The following NIPBL variants were observed in gnomAD, a reference collection of about 807,000 sequenced individuals.
NIPBL encodes NIPBL cohesin loading factor.
Under a neutral mutation model 321.8 loss-of-function variants are expected in NIPBL, and 19 were observed. The ratio of observed to expected loss-of-function variants is 0.06; its 90% confidence interval spans 0.04 to 0.09. The LOEUF is 0.09. NIPBL is among the 10% of genes least tolerant of loss of function. The pLI, the probability that NIPBL is intolerant of heterozygous loss-of-function variation, is 1.00. For missense variants in NIPBL, 2,210 were observed against 3,327.0 expected, an observed-to-expected ratio of 0.66 and a Z score of 8.26; for synonymous variants, 1,106 against 1,114.1, an observed-to-expected ratio of 0.99 and a Z score of 0.14.
rs1752958310 is a variant in NIPBL at position 37,046,126 on chromosome 5, A to G, written c.6516A>G (p.Lys2172=). 2 of 1,540,530 alleles carry G rather than the reference A, an allele frequency of 1.3e-6. No individual in the cohort carries two copies. The highest frequency in any genetic ancestry group is 1.4e-5 in the African/African-American group (1 of 73,356). ...KGNSKVNIKD[K]VLELLMYFTK... ...CCCCTTAGGTTAACATAAAAGATAA[A>G]GTACTTGAACTATTGATGTATTTTA... The change falls in exon 38 of 47, where the codon AAA becomes AAG. Residue 2172 remains lysine, a synonymous_variant. Coordinates refer to ENST00000282516, the MANE Select transcript of NIPBL (RefSeq NM_133433.4).
intron 1 of NIPBL, among the ~76,000 whole-genome samples, chr5:36,878,776 C>T (rs1480253910): frequency 1.3e-5 from 2 of 152,116 alleles, no homozygotes; most frequent in African/African-American, 4.8e-5. Context: ...GTTTTTAATG[C>T]TATAAATCCG....
At chr5:36,999,835 G>C (rs77857080) in intron 11 of NIPBL, among the ~76,000 whole-genome samples, 5,157 of 152,248 alleles carry the variant, frequency 0.034, 126 homozygotes, top group South Asian at 0.081. Flanking sequence ...GTCATGTTAG[G>C]TCACCAGGGC....
At chr5:36,902,398 A>G (rs1747302244) in intron 1 of NIPBL, among the ~76,000 whole-genome samples, 1 of 152,078 alleles carries the variant, frequency 6.6e-6, no homozygotes, top group Non-Finnish European at 1.5e-5. Flanking sequence ...TAAATTTTAC[A>G]TTTCAGTCTT....
intron 42 of NIPBL, among the ~76,000 whole-genome samples, chr5:37,055,722 T>C (rs1390908918): frequency 6.6e-6 from 1 of 151,884 alleles, no homozygotes; most frequent in Non-Finnish European, 1.5e-5. Context: ...CAGATTGTAA[T>C]TGAAAAGGGA....
chr5:37,060,239 A>G (rs949905491), intron 44 of NIPBL, among the ~76,000 whole-genome samples: 1 of 152,196 alleles, frequency 6.6e-6, no homozygotes, highest in Non-Finnish European at 1.5e-5. Context: ...CAGTTATGCA[A>G]TCATAAACTC....
Position 36,985,214 on chromosome 5 carries a change from G to A in NIPBL, c.2034G>A (p.Leu678=), listed in dbSNP as rs774567810. 6.2e-7 allele frequency: 1 copy of A among 1,613,774 alleles called. No homozygotes were observed. The highest frequency in any genetic ancestry group is 8.5e-7 in the Non-Finnish European group (1 of 1,179,916). Reference sequence around the variant, plus strand: ...AGCCTAAACAAAATGAAAATAGACTGTCTGACACAAAACCAAATGACAACA... The same window carrying A: ...AGCCTAAACAAAATGAAAATAGACTATCTGACACAAAACCAAATGACAACA... ...IVEPKQNENR[L]SDTKPNDNKQ... The change falls in exon 10 of 47, where the codon CTG becomes CTA. Residue 678 remains leucine, a synonymous_variant. Coordinates refer to ENST00000282516, the MANE Select transcript of NIPBL (RefSeq NM_133433.4).
At chr5:36,906,500 A>G (rs1164285983) in intron 1 of NIPBL, among the ~76,000 whole-genome samples, 1 of 152,076 alleles carries the variant, frequency 6.6e-6, no homozygotes, top group Non-Finnish European at 1.5e-5. Context: ...CCTTTTTTCT[A>G]TCAAACTACT....
chr5:37,013,992 G>A (rs1022597912), intron 21 of NIPBL, among the ~76,000 whole-genome samples: 4 of 152,212 alleles, frequency 2.6e-5, no homozygotes, highest in South Asian at 2.1e-4. Flanking sequence ...GATCACTCGC[G>A]GTTAGGAGCT....
At chr5:36,975,684 A>T in intron 8 of NIPBL, 92 bp from the exon 9 acceptor site, 1 of 1,189,642 alleles carries the variant, frequency 8.4e-7, no homozygotes, top group Non-Finnish European at 1.2e-6. Flanking sequence ...TTTTTCTAGT[A>T]TTACTATATT....
At chr5:36,885,320 G>T in intron 1 of NIPBL, 1 of 488,478 alleles carries the variant, frequency 2.0e-6, no homozygotes, top group Non-Finnish European at 4.0e-6. Context: ...CTATGCAGGC[G>T]CCAGGGGCTC....
At chr5:36,898,640 T>G (rs1219598156) in intron 1 of NIPBL, among the ~76,000 whole-genome samples, 1 of 151,604 alleles carries the variant, frequency 6.6e-6, no homozygotes, top group African/African-American at 2.4e-5. Flanking sequence ...GCCTCCCGAA[T>G]AGCTGGGATT....
At chr5:36,897,770 A>T (rs1298072584) in intron 1 of NIPBL, among the ~76,000 whole-genome samples, 2 of 152,154 alleles carry the variant, frequency 1.3e-5, no homozygotes, top group Non-Finnish European at 2.9e-5. Flanking sequence ...ATGCCTGCTA[A>T]CAATGTGTAT....
intron 1 of NIPBL, among the ~76,000 whole-genome samples, chr5:36,880,990 G>C (rs1368889782): frequency 6.6e-6 from 1 of 151,990 alleles, no homozygotes; most frequent in African/African-American, 2.4e-5. Flanking sequence ...AAATGTGTGA[G>C]CTCTGGTCTT....
chr5:36,901,324 A>AT (rs1412152091), intron 1 of NIPBL, among the ~76,000 whole-genome samples: 1 of 151,764 alleles, frequency 6.6e-6, no homozygotes, highest in Non-Finnish European at 1.5e-5. Flanking sequence ...TATGTACCAT[A>AT]TTTTCTTTAT....
chr5:36,980,223 C>T (rs531301426), intron 9 of NIPBL, among the ~76,000 whole-genome samples: 1 of 151,756 alleles, frequency 6.6e-6, no homozygotes, highest in East Asian at 1.9e-4. Flanking sequence ...TTTCAATTAT[C>T]TAAATAGTTT....
At chr5:36,932,785 T>TTTC (rs1749873689) in intron 1 of NIPBL, among the ~76,000 whole-genome samples, 1 of 148,368 alleles carries the variant, frequency 6.7e-6, no homozygotes, top group African/African-American at 2.5e-5. Context: ...GCTGTTTTTT[T>TTTC]TTTTTTTTTT....
chr5:37,000,810 GT>G lies in NIPBL; in HGVS notation c.3503-3del. 1 of 1,605,716 alleles carries G rather than the reference GT, an allele frequency of 6.2e-7. No individual in the cohort carries two copies. ...TGCATTTCAGTACTTCTTTTTGTTC[GT>G]TTTAGTTGCTAGGAAAATGAAGAAA... On this transcript the variant is annotated splice_polypyrimidine_tract_variant and splice_region_variant and intron_variant, in intron 12 of 46. Coordinates refer to ENST00000282516, the MANE Select transcript of NIPBL (RefSeq NM_133433.4).
chr5:37,041,328 A>G (rs1311119745), intron 34 of NIPBL, among the ~76,000 whole-genome samples: 1 of 128,852 alleles, frequency 7.8e-6, no homozygotes, highest in Non-Finnish European at 1.5e-5. Flanking sequence ...CAATGGTGCA[A>G]TCTTGGCTCA....
Position 36,961,473 on chromosome 5 carries a change from G to A in NIPBL, c.359-11G>A, listed in dbSNP as rs1314970770. On this transcript the variant is annotated splice_polypyrimidine_tract_variant and intron_variant, in intron 4 of 46. Transcript: ENST00000282516. ...AGAAAATAACGTTCTGTATTTTTGTGTTTTGCATAGGAATGATGATGTCTC... is the reference window on the plus strand; with the variant it reads ...AGAAAATAACGTTCTGTATTTTTGTATTTTGCATAGGAATGATGATGTCTC... 5 of 1,518,902 alleles carry A rather than the reference G, an allele frequency of 3.3e-6. No individual in the cohort carries two copies. In the African/African-American group the frequency reaches 6.8e-5, roughly 21 times the overall value. 94.1% of individuals were successfully genotyped at this position (1,518,902 alleles called of 1,614,324 possible). A position where few individuals can be genotyped will look rare whatever the true frequency, so the allele number is the denominator to read the frequency against.
Sources: gnomAD v4.1 joint callset for allele counts (sites outside exome capture counted in the v4.1 genomes callset) on GRCh38, gnomAD v4.1.1 for gene constraint, MANE v1.5 for transcripts, NCBI Gene and HGNC (gene_info 2026-07-23, HGNC 2026-07-21) for gene names.